The following RELN variants were observed in gnomAD, a reference collection of about 807,000 sequenced individuals.
RELN encodes the protein reelin.
A neutral mutation model predicts 427.6 loss-of-function variants in RELN; 108 were observed. That is an observed-to-expected ratio of 0.25 (90% CI 0.22 to 0.30). The LOEUF (loss-of-function observed/expected upper bound fraction) is 0.30. Ranked by LOEUF, RELN falls within the 10% of genes least tolerant of loss-of-function variation. RELN has a pLI of 1.00. For missense variants in RELN, 3,715 were observed against 4,302.8 expected (o/e 0.86, Z 3.82); for synonymous variants, 1,524 against 1,513.4 (o/e 1.01, Z -0.16).
chr7:103,636,568 T>C (rs1018796567), intron 17 of RELN, 100 bp from the exon 18 acceptor site: 15 of 790,354 alleles, frequency 1.9e-5, no homozygotes, highest in African/African-American at 1.0e-4. Context: ...TAGGATTTGA[T>C]TGAATGGTAA....
chr7:103,567,864 C>T (rs1830795806), intron 31 of RELN, among the ~76,000 whole-genome samples: 1 of 151,824 alleles, frequency 6.6e-6, no homozygotes, highest in African/African-American at 2.4e-5. Flanking sequence ...GGCACGATTA[C>T]AGCTCACTGC....
chr7:103,782,548 T>A (rs1447424827), intron 3 of RELN, among the ~76,000 whole-genome samples: 4 of 152,124 alleles, frequency 2.6e-5, no homozygotes, highest in Non-Finnish European at 5.9e-5. Flanking sequence ...GGAATAGGAA[T>A]CAGTAAATAA....
Position 103,545,357 on chromosome 7 carries a change from A to G in RELN, c.6303-13T>C. ...GAAACGGACAGATCTGGAAAAGAGG[A>G]CAAGTCTTTCAAAAGCTAATCAACA... On this transcript the variant is annotated splice_polypyrimidine_tract_variant and intron_variant, in intron 41 of 64. Transcript: ENST00000428762. 6.3e-7 allele frequency: 1 copy of G among 1,586,966 alleles called. No homozygotes were observed. Among genetic ancestry groups the G allele is most frequent in the Non-Finnish European group, 8.7e-7 (1 of 1,155,614 alleles).
intron 1 of RELN, among the ~76,000 whole-genome samples, chr7:103,986,868 G>A (rs1797108854): frequency 6.6e-6 from 1 of 151,574 alleles, no homozygotes; most frequent in South Asian, 2.1e-4. Flanking sequence ...ATATCAAAAT[G>A]GGCCAACCAC....
chr7:103,951,864 G>C (rs1357619418), intron 1 of RELN, among the ~76,000 whole-genome samples: 2 of 152,242 alleles, frequency 1.3e-5, no homozygotes, highest in East Asian at 3.9e-4. Flanking sequence ...GTAGACACAG[G>C]GTTTTGCCAT....
intron 19 of RELN, 104 bp downstream of exon 19, chr7:103,635,321 T>A: frequency 1.6e-6 from 2 of 1,280,884 alleles, no homozygotes. Flanking sequence ...GTGCGCTCCA[T>A]CTGTCAATGG....
intron 1 of RELN, among the ~76,000 whole-genome samples, chr7:103,982,993 G>A (rs996335060): frequency 1.3e-5 from 2 of 152,116 alleles, no homozygotes; most frequent in African/African-American, 4.8e-5. Flanking sequence ...TCAACATAAA[G>A]TTTTATTTTG....
At position 103,603,457 on chromosome 7, in the gene RELN, G is replaced by C. The variant is rs1831727545; in HGVS notation, c.3180C>G (p.His1060Gln). Residue 1060 changes from histidine (H) to glutamine (Q), a missense_variant, in exon 24 of 65, where the codon CAC becomes CAG. This residue lies in a region of RELN where 2,208 missense variants were observed against 2,361.7 expected (regional missense o/e 0.93). Transcript: ENST00000428762. The surrounding 1 kb of genome is among the most constrained non-coding windows in gnomAD (Gnocchi z 4.3). ...CDQGYQGTEC[H>Q]PEAALPSTIM... ...TTGTGGACGGAAGGGCAGCTTCTGG[G>C]TGGCATTCAGTGCCTTGGTACCCCT... is the stretch of plus-strand genomic sequence containing the variant. 1 of 1,613,762 alleles carries C rather than the reference G, an allele frequency of 6.2e-7. No individual in the cohort carries two copies. Among genetic ancestry groups the C allele is most frequent in the Admixed American group, 1.7e-5 (1 of 59,970 alleles).
intron 2 of RELN, among the ~76,000 whole-genome samples, chr7:103,868,095 G>T (rs569065092): frequency 1.3e-5 from 2 of 152,142 alleles, no homozygotes; most frequent in East Asian, 3.9e-4. Context: ...TAATTGGATG[G>T]CACTCCATAT....
At chr7:103,616,688 G>A (rs780369302) in intron 20 of RELN, among the ~76,000 whole-genome samples, 11 of 151,988 alleles carry the variant, frequency 7.2e-5, no homozygotes, top group Non-Finnish European at 1.2e-4. Context: ...AAAAAATTAT[G>A]AAATCATAAT....
rs1462369530 is a variant in RELN, at chr7:103,520,954, G to GTTTTTTTTT, written c.7668+1067_7668+1068insAAAAAAAAA. 8.3e-4 allele frequency among the ~76,000 whole-genome samples: 65 copies of GTTTTTTTTT among 78,136 alleles called. 5 individuals are homozygous for GTTTTTTTTT. Among genetic ancestry groups the GTTTTTTTTT allele is most frequent in the East Asian group, 2.3e-3 (5 of 2,146 alleles). 51.3% of individuals were successfully genotyped at this position (78,136 alleles called of 152,430 possible). A position where few individuals can be genotyped will look rare whatever the true frequency, so the allele number is the denominator to read the frequency against. On this transcript the variant is annotated intron_variant, in intron 48 of 64. Transcript: ENST00000428762. Reference sequence around the variant, plus strand: ...GAAATAAAGAGCTGGCAGTAAATTTGTTATTTTTTTTTTTTTTTTTTTTTT... The same window carrying GTTTTTTTTT: ...GAAATAAAGAGCTGGCAGTAAATTTGTTTTTTTTTTTATTTTTTTTTTTTTTTTTTTTTT...
At chr7:103,926,675 C>T (rs1469362231) in intron 1 of RELN, among the ~76,000 whole-genome samples, 1 of 122,052 alleles carries the variant, frequency 8.2e-6, no homozygotes, top group Non-Finnish European at 1.6e-5. Context: ...GACGGAGTCT[C>T]CCTCTGTCGC....
At chr7:103,809,568 A>T (rs1792684476) in intron 3 of RELN, among the ~76,000 whole-genome samples, 1 of 152,192 alleles carries the variant, frequency 6.6e-6, no homozygotes, top group African/African-American at 2.4e-5. Context: ...TGCTTAGAAA[A>T]CAAAGCAAGT....
intron 1 of RELN, among the ~76,000 whole-genome samples, chr7:103,933,929 G>A (rs1024399194): frequency 2.0e-5 from 3 of 152,076 alleles, no homozygotes; most frequent in East Asian, 1.9e-4. Flanking sequence ...GGGTTCCTTC[G>A]CTAAAACACA....
chr7:103,932,722 C>T (rs1034935171), intron 1 of RELN, among the ~76,000 whole-genome samples: 1 of 152,134 alleles, frequency 6.6e-6, no homozygotes, highest in African/African-American at 2.4e-5. Flanking sequence ...AAGCAAGCTA[C>T]CAAAGTGGGC....
intron 8 of RELN, among the ~76,000 whole-genome samples, chr7:103,718,728 A>G (rs1352723885): frequency 2.6e-5 from 4 of 152,192 alleles, no homozygotes; most frequent in African/African-American, 9.6e-5. Flanking sequence ...ATTTATTATG[A>G]GTCCCTGGGC....
At chr7:103,785,603 C>G (rs1479834727) in intron 3 of RELN, among the ~76,000 whole-genome samples, 1 of 152,098 alleles carries the variant, frequency 6.6e-6, no homozygotes, top group Non-Finnish European at 1.5e-5. Context: ...ACTGAATGGA[C>G]TGAACAATTT....
At chr7:103,928,368 C>T (rs1345144876) in intron 1 of RELN, among the ~76,000 whole-genome samples, 3 of 152,170 alleles carry the variant, frequency 2.0e-5, no homozygotes, top group African/African-American at 7.2e-5. Context: ...TTTCAATCAC[C>T]TGAGAAGCTT....
At chr7:103,914,623 C>T (rs1053270638) in intron 2 of RELN, among the ~76,000 whole-genome samples, 1 of 152,004 alleles carries the variant, frequency 6.6e-6, no homozygotes, top group African/African-American at 2.4e-5. Flanking sequence ...ATCAGGGCTA[C>T]CCAGCATCTT....
Sources: gnomAD v4.1 joint callset for allele counts (sites outside exome capture counted in the v4.1 genomes callset) on GRCh38, gnomAD v4.1.1 for gene constraint, gnomAD v4.1.1 regional missense constraint, Gnocchi (gnomAD v3.1) non-coding constraint, MANE v1.5 for transcripts, NCBI Gene and HGNC (gene_info 2026-07-23, HGNC 2026-07-21) for gene names.